The following ARMC9 variants were observed in gnomAD, a reference collection of about 807,000 sequenced individuals.
ARMC9 encodes the protein armadillo repeat containing 9.
In ARMC9, 94 loss-of-function variants were observed where a neutral mutation model predicts 107.0. The ratio of observed to expected loss-of-function variants is 0.88; its 90% CI spans 0.74 to 1.04. ARMC9 has a LOEUF of 1.04. ARMC9 is among the 50% of genes least tolerant of loss of function. The probability of loss-of-function intolerance (pLI) is 0.00; values close to 1 mark genes in which losing one functional copy is unlikely to be tolerated. For missense variants in ARMC9, 942 were observed against 1,030.1 expected, an observed-to-expected ratio of 0.91 and a Z score of 1.17; for synonymous variants, 380 against 396.9, an observed-to-expected ratio of 0.96 and a Z score of 0.51.
At chr2:231,276,418 C>T (rs531022241) in intron 14 of ARMC9, among the ~76,000 whole-genome samples, 43 of 152,024 alleles carry the variant, frequency 2.8e-4, no homozygotes, top group Non-Finnish European at 4.9e-4. Flanking sequence ...TTACAGGCGC[C>T]GTCACCACGC....
chr2:231,316,531 A>G (rs1193405678), intron 19 of ARMC9, among the ~76,000 whole-genome samples: 4 of 151,954 alleles, frequency 2.6e-5, no homozygotes, highest in Admixed American at 6.6e-5. Flanking sequence ...GCGTGGTGGC[A>G]CATGCTACTT....
chr2:231,252,803 A>AT (rs34618597), intron 9 of ARMC9, among the ~76,000 whole-genome samples: 4,334 of 134,162 alleles, frequency 0.032, 207 homozygotes, highest in African/African-American at 0.1. Context: ...CAACCCCCTA[A>AT]TTTTTTTTTT....
chr2:231,216,791 C>T lies in ARMC9; in HGVS notation c.502C>T (p.Gln168Ter), dbSNP rs1366446098. ...MVHPSFKELF[Q>*]DSWTPELKLK... ...GCACCCCTCATTTAAAGAACTCTTC[C>T]AGGTAAATGTCAGCTTTTAACTCTT... The change falls in exon 5 of 25, where the codon CAG (glutamine) becomes TAG (stop). Residue 168 changes from glutamine to a stop codon, truncating the protein, a stop_gained and splice_region_variant. Coordinates refer to ENST00000611582, the MANE Select transcript of ARMC9 (RefSeq NM_001352754.2). LOFTEE classifies it high-confidence loss of function. 1 of 1,611,390 alleles carries T rather than the reference C, an allele frequency of 6.2e-7. No homozygotes were observed. The highest frequency in any genetic ancestry group is 2.2e-5 in the East Asian group (1 of 44,858).
intron 9 of ARMC9, among the ~76,000 whole-genome samples, chr2:231,242,973 G>A (rs529949310): frequency 3.9e-5 from 6 of 152,202 alleles, no homozygotes; most frequent in African/African-American, 1.4e-4. Flanking sequence ...TAGGCCAGGC[G>A]TGGTGGCTCA....
At chr2:231,277,374 T>C (rs1482246208) in intron 15 of ARMC9, among the ~76,000 whole-genome samples, 1 of 152,134 alleles carries the variant, frequency 6.6e-6, no homozygotes, top group African/African-American at 2.4e-5. Flanking sequence ...GCTGTGGCTT[T>C]CCCCAGCCTG....
chr2:231,276,912 T>C, intron 15 of ARMC9, 137 bp downstream of exon 15: 2 of 1,265,226 alleles, frequency 1.6e-6, no homozygotes, highest in Non-Finnish European at 2.1e-6. Flanking sequence ...TAGAAAGCAT[T>C]TCCAACTAGG....
At chr2:231,233,442 G>A (rs1195996306) in intron 7 of ARMC9, among the ~76,000 whole-genome samples, 1 of 152,022 alleles carries the variant, frequency 6.6e-6, no homozygotes, top group Admixed American at 6.6e-5. Context: ...GAGCTTGCAT[G>A]CCACTGCTTT....
intron 21 of ARMC9, among the ~76,000 whole-genome samples, chr2:231,352,215 G>A (rs2045112454): frequency 6.6e-6 from 1 of 151,952 alleles, no homozygotes; most frequent in South Asian, 2.1e-4. Flanking sequence ...TCCTACCTCA[G>A]CCTTCCAAAG....
At chr2:231,288,406 G>T (rs2040755621) in intron 17 of ARMC9, among the ~76,000 whole-genome samples, 2 of 152,106 alleles carry the variant, frequency 1.3e-5, no homozygotes, top group Non-Finnish European at 2.9e-5. Flanking sequence ...TACAGAACTT[G>T]TGTCACTTTC....
chr2:231,233,707 C>T (rs1044300718), intron 7 of ARMC9, among the ~76,000 whole-genome samples: 16 of 151,456 alleles, frequency 1.1e-4, no homozygotes, highest in Non-Finnish European at 1.6e-4. Flanking sequence ...ACCCGGGAGG[C>T]GGAGGTTGCA....
At chr2:231,277,964 A>G (rs968815501) in intron 15 of ARMC9, among the ~76,000 whole-genome samples, 27 of 152,166 alleles carry the variant, frequency 1.8e-4, no homozygotes, top group African/African-American at 6.5e-4. Flanking sequence ...TATAACTACT[A>G]AAATGCCTAT....
chr2:231,259,483 G>A (rs890223451), intron 11 of ARMC9, among the ~76,000 whole-genome samples: 1 of 152,136 alleles, frequency 6.6e-6, no homozygotes, highest in African/African-American at 2.4e-5. Context: ...AGGCACCAAC[G>A]AAAGAACTCC....
rs1006261586 is a variant in ARMC9, at chr2:231,370,270, C to A, written c.2434+145C>A. The A allele has an allele frequency of 4.3e-6, 4 of 931,922 alleles. No homozygotes were observed. The African/African-American group carries it at 5.1e-5, about 12-fold the overall frequency. 57.7% of individuals were successfully genotyped at this position (931,922 alleles called of 1,614,324 possible). A position where few individuals can be genotyped will look rare whatever the true frequency, so the allele number is the denominator to read the frequency against. On this transcript the variant is annotated intron_variant, in intron 24 of 24. Transcript: ENST00000611582. ...GCAGAAGGCCTGCTTCCCTTCCCCA[C>A]ACAACCAGGCCCCAGCAGGTGGCTT...
At chr2:231,311,290 A>AT (rs981879675) in intron 19 of ARMC9, among the ~76,000 whole-genome samples, 10 of 150,610 alleles carry the variant, frequency 6.6e-5, no homozygotes, top group South Asian at 2.1e-4. Flanking sequence ...TGGTGGAGTC[A>AT]TTTTTTTTTC....
Position 231,218,995 on chromosome 2 carries a change from G to A in ARMC9, c.504+2202G>A, listed in dbSNP as rs971469454. The stretch of plus-strand genomic sequence containing the variant: ...TCAAACTCCTGACCTCAGGTGATCC[G>A]CCTGCCTCAGCCTCCCAAAGTGCTA... On this transcript the variant is annotated intron_variant, in intron 5 of 24. Coordinates refer to ENST00000611582, the MANE Select transcript of ARMC9 (RefSeq NM_001352754.2). Among the ~76,000 whole-genome samples, 5 of 152,002 alleles carry A rather than the reference G, an allele frequency of 3.3e-5. No homozygotes were observed. The South Asian group carries it at 8.3e-4, about 25-fold the overall frequency.
At chr2:231,369,450 G>A (rs2125600008) in intron 23 of ARMC9, among the ~76,000 whole-genome samples, 1 of 152,020 alleles carries the variant, frequency 6.6e-6, no homozygotes, top group Non-Finnish European at 1.5e-5. Flanking sequence ...CTGCCACCAT[G>A]CCTGGGTAAT....
chr2:231,370,915 G>A (rs1356835704), intron 24 of ARMC9: 3 of 306,710 alleles, frequency 9.8e-6, no homozygotes, highest in Admixed American at 4.0e-5. Context: ...CCCCCAGCCC[G>A]CCCCACCCTA....
intron 23 of ARMC9, among the ~76,000 whole-genome samples, chr2:231,369,260 C>T (rs2045926765): frequency 6.6e-6 from 1 of 151,912 alleles, no homozygotes; most frequent in Non-Finnish European, 1.5e-5. Flanking sequence ...TGCCCATCGT[C>T]TCCTTCCTCC....
At position 231,348,447 on chromosome 2, in the gene ARMC9, T is replaced by G. The variant is rs148952087; in HGVS notation, c.1994+3357T>G. 4.2e-3 allele frequency among the ~76,000 whole-genome samples: 638 copies of G among 152,356 alleles called. 4 individuals are homozygous for G. Among genetic ancestry groups the G allele is most frequent in the African/African-American group, 0.014 (603 of 41,588 alleles). On this transcript the variant is annotated intron_variant, in intron 21 of 24. Coordinates refer to ENST00000611582, the MANE Select transcript of ARMC9 (RefSeq NM_001352754.2). ...ACAAGTTTGTGTTGTTTTCAGTCACTAAGTTTGTGGTAAGACTGCAAATTA... is the reference window on the plus strand; with the variant it reads ...ACAAGTTTGTGTTGTTTTCAGTCACGAAGTTTGTGGTAAGACTGCAAATTA...
Sources: gnomAD v4.1 joint callset for allele counts (sites outside exome capture counted in the v4.1 genomes callset) on GRCh38, gnomAD v4.1.1 for gene constraint, MANE v1.5 for transcripts, NCBI Gene and HGNC (gene_info 2026-07-23, HGNC 2026-07-21) for gene names.